Variants in UMODL1 observed in about 807,000 individuals in gnomAD.
UMODL1 encodes uromodulin like 1, also known as uromodulin-like 1.
A neutral mutation model predicts 136.3 loss-of-function variants in UMODL1; 128 were observed. The ratio of observed to expected loss-of-function variants is 0.94; its 90% CI spans 0.81 to 1.09. The LOEUF (loss-of-function observed/expected upper bound fraction) is 1.09. Ranked by LOEUF, UMODL1 falls within the 50% of genes least tolerant of loss-of-function variation. The probability of loss-of-function intolerance (pLI) is 0.00; values close to 1 mark genes in which losing one functional copy is unlikely to be tolerated. For synonymous variants in UMODL1, 721 were observed against 720.0 expected (o/e 1.00, Z -0.02); for missense variants, 1,766 against 1,725.6 (o/e 1.02, Z -0.41).
chr21:42,086,642 T>G lies in UMODL1; in HGVS notation c.603+1230T>G, dbSNP rs1353976241. Reference sequence around the variant, plus strand: ...GTGACCTTGGGTAAGTCACTTAACCTCTCTGTGCCTGAGATACCTCCTCCA... The same window carrying G: ...GTGACCTTGGGTAAGTCACTTAACCGCTCTGTGCCTGAGATACCTCCTCCA... On this transcript the variant is annotated intron_variant, in intron 4 of 22. Transcript: ENST00000408910. 6 of 454,564 alleles carry G rather than the reference T, an allele frequency of 1.3e-5. No individual in the cohort carries two copies. In the Admixed American group the frequency reaches 1.4e-4, roughly 11 times the overall value. 28.2% of individuals were successfully genotyped at this position (454,564 alleles called of 1,614,324 possible).
chr21:42,064,923 AAG>A (rs2066171285), intron 1 of UMODL1, among the ~76,000 whole-genome samples: 1 of 152,172 alleles, frequency 6.6e-6, no homozygotes, highest in South Asian at 2.1e-4. Flanking sequence ...AATCCTGACA[AAG>A]AGCGCATATC....
chr21:42,111,801 T>TCGC lies in UMODL1; in HGVS notation c.2104+92_2104+94dup, dbSNP rs1365858074. ...GGGCAAAGCTCCTGCAGCCGTGGAG[T>TCGC]CGCAGGCTGCTAGCAATGCTCAGGC... On this transcript the variant is annotated intron_variant, in intron 12 of 22. Transcript: ENST00000408910. 3.2e-5 allele frequency: 42 copies of TCGC among 1,299,862 alleles called. No individual in the cohort carries two copies. In the Middle Eastern group the frequency reaches 3.4e-3, roughly 106 times the overall value. The allele number at this position is 1,299,862 out of a possible 1,614,324, so 80.5% of individuals were successfully genotyped here.
intron 1 of UMODL1, among the ~76,000 whole-genome samples, chr21:42,064,103 C>T (rs1404498710): frequency 6.6e-6 from 1 of 152,112 alleles, no homozygotes; most frequent in Non-Finnish European, 1.5e-5. Context: ...GTGAATGTCC[C>T]CAAGGCTGCT....
At chr21:42,090,157 G>C in intron 5 of UMODL1, 141 bp from the exon 6 acceptor site, 5 of 1,109,864 alleles carry the variant, frequency 4.5e-6, no homozygotes, top group Non-Finnish European at 5.1e-6. Context: ...GTCTCCCTTG[G>C]GATCACTGCC....
chr21:42,117,903 G>T (rs1343318875), intron 14 of UMODL1, among the ~76,000 whole-genome samples: 1 of 152,140 alleles, frequency 6.6e-6, no homozygotes, highest in Non-Finnish European at 1.5e-5. Flanking sequence ...TTTCCTCTTT[G>T]AACCATTTCT....
chr21:42,113,893 G>A (rs545742661), intron 13 of UMODL1, 63 bp downstream of exon 13: 67 of 1,565,728 alleles, frequency 4.3e-5, no homozygotes, highest in South Asian at 9.7e-5. Flanking sequence ...CTTTCTGTGG[G>A]TTAAGGCTTA....
chr21:42,129,553 C>G (rs960094930), intron 20 of UMODL1, among the ~76,000 whole-genome samples, 160 bp from the exon 21 acceptor site: 3 of 152,222 alleles, frequency 2.0e-5, no homozygotes, highest in African/African-American at 7.2e-5. Flanking sequence ...CCTGGTCTCA[C>G]CAGGTCTCCC....
At chr21:42,129,941 AG>A in intron 21 of UMODL1, 144 bp downstream of exon 21, 5 of 614,314 alleles carry the variant, frequency 8.1e-6, no homozygotes, top group Non-Finnish European at 1.3e-5. Context: ...AAATACTCAT[AG>A]TTAGTATTCA....
intron 21 of UMODL1, among the ~76,000 whole-genome samples, chr21:42,133,329 C>T (rs1426232443): frequency 6.6e-6 from 1 of 152,230 alleles, no homozygotes; most frequent in African/African-American, 2.4e-5. Flanking sequence ...GAAATGAGAA[C>T]AACTCAGAGA....
At chr21:42,076,356 G>T in intron 2 of UMODL1, 109 bp downstream of exon 2, 1 of 1,527,142 alleles carries the variant, frequency 6.5e-7, no homozygotes. Flanking sequence ...GATCTTCCAG[G>T]AGCACGGCTC....
chr21:42,129,937 T>G, intron 21 of UMODL1, 140 bp downstream of exon 21: 5 of 622,790 alleles, frequency 8.0e-6, no homozygotes, highest in Non-Finnish European at 1.3e-5. Context: ...ACAGAAATAC[T>G]CATAGTTAGT....
chr21:42,142,221 T>G lies in UMODL1; in HGVS notation c.*147T>G, dbSNP rs143622379. ...TTAACTCTTCAAGCCTTAACGGAGGTCTGCTCTGACGGGTGGGCTCTGCCA... is the reference window on the plus strand; with the variant it reads ...TTAACTCTTCAAGCCTTAACGGAGGGCTGCTCTGACGGGTGGGCTCTGCCA... On this transcript the variant is annotated 3_prime_UTR_variant, in exon 23 of 23. Transcript: ENST00000408910. The G allele has an allele frequency of 6.6e-6, 1 of 152,130 alleles. No homozygotes were observed. Among genetic ancestry groups the G allele is most frequent in the South Asian group, 2.1e-4 (1 of 4,806 alleles). 9.4% of individuals were successfully genotyped at this position (152,130 alleles called of 1,614,324 possible).
intron 14 of UMODL1, 126 bp from the exon 15 acceptor site, chr21:42,118,985 G>C (rs1405571178): frequency 1.1e-6 from 1 of 915,696 alleles, no homozygotes; most frequent in Non-Finnish European, 1.6e-6. Context: ...GAACCAACCT[G>C]TGGCTTTTAC....
chr21:42,128,214 TCAGA>T (rs2067087854), intron 20 of UMODL1: 3 of 316,654 alleles, frequency 9.5e-6, no homozygotes, highest in South Asian at 7.9e-5. Context: ...ATACTAAATA[TCAGA>T]CACTCTGTTA....
At chr21:42,132,591 TCCAC>T (rs1406985352) in intron 21 of UMODL1, among the ~76,000 whole-genome samples, 2 of 151,658 alleles carry the variant, frequency 1.3e-5, no homozygotes, top group African/African-American at 4.8e-5. Flanking sequence ...CATTAATCCA[TCCAC>T]CCACCCATCC....
At chr21:42,093,558 G>A (rs1300167823) in intron 6 of UMODL1, 2 of 207,750 alleles carry the variant, frequency 9.6e-6, no homozygotes, top group Non-Finnish European at 9.9e-6. Context: ...CTGTGGGCGA[G>A]GGGTTGGGGG....
intron 13 of UMODL1, among the ~76,000 whole-genome samples, chr21:42,115,143 T>C (rs1263899264): frequency 1.3e-5 from 2 of 152,240 alleles, no homozygotes; most frequent in African/African-American, 4.8e-5. Flanking sequence ...TCTCCTTCAC[T>C]GTCTAGAATG....
rs565323612 is a variant in UMODL1, at chr21:42,099,423, C to T, written c.1186+243C>T. The stretch of plus-strand genomic sequence containing the variant: ...TCGTCCTGTTAGGGGTTCGTTCTGC[C>T]GTGTGAGGGGACAACATGTGGACTC... On this transcript the variant is annotated intron_variant, in intron 7 of 22. Coordinates refer to ENST00000408910, the MANE Select transcript of UMODL1 (RefSeq NM_001004416.3). The surrounding 1 kb of genome is among the most constrained non-coding windows in gnomAD (Gnocchi z 4.1). Among the ~76,000 whole-genome samples, 6 of 152,220 alleles carry T rather than the reference C, an allele frequency of 3.9e-5. No individual in the cohort carries two copies. Among genetic ancestry groups the T allele is most frequent in the Admixed American group, 2.6e-4 (4 of 15,294 alleles).
At chr21:42,100,087 T>G (rs534620867) in intron 7 of UMODL1, among the ~76,000 whole-genome samples, 1 of 152,218 alleles carries the variant, frequency 6.6e-6, no homozygotes, top group Admixed American at 6.5e-5. Context: ...GTGCCTAGAC[T>G]TGGTCAGATG....
Sources: gnomAD v4.1 joint callset for allele counts (sites outside exome capture counted in the v4.1 genomes callset) on GRCh38, gnomAD v4.1.1 for gene constraint, Gnocchi (gnomAD v3.1) non-coding constraint, MANE v1.5 for transcripts, NCBI Gene and HGNC (gene_info 2026-07-23, HGNC 2026-07-21) for gene names.